Variants in WDR19 observed in about 807,000 individuals in gnomAD.
WDR19 encodes WD repeat domain 19.
WDR19 carries 121 observed loss-of-function variants against 180.0 expected under a neutral mutation model. The ratio of observed to expected loss-of-function variants is 0.67; its 90% CI spans 0.58 to 0.78. The LOEUF (loss-of-function observed/expected upper bound fraction) is 0.78. Ranked by LOEUF, WDR19 falls within the 30% of genes least tolerant of loss-of-function variation. The probability of loss-of-function intolerance (pLI) is 0.00; values close to 1 mark genes in which losing one functional copy is unlikely to be tolerated. For missense variants in WDR19, 1,450 were observed against 1,640.7 expected (o/e 0.88, Z 2.01); for synonymous variants, 497 against 540.7 (o/e 0.92, Z 1.12).
intron 28 of WDR19, 104 bp downstream of exon 28, chr4:39,257,658 C>A: frequency 1.0e-6 from 1 of 958,478 alleles, no homozygotes; most frequent in Non-Finnish European, 1.6e-6. Context: ...GTATTACAAA[C>A]CCCTACATAC....
Position 39,266,294 on chromosome 4 carries a change from T to C in WDR19, c.3261+154T>C, listed in dbSNP as rs188575700. On this transcript the variant is annotated intron_variant, in intron 29 of 36. Coordinates refer to ENST00000399820, the MANE Select transcript of WDR19 (RefSeq NM_025132.4). Reference sequence around the variant, plus strand: ...CTAGACCAGGAGCGTCCAATCTTTTTGCTTCCCTGGGTCACATTGGAAGAA... The same window carrying C: ...CTAGACCAGGAGCGTCCAATCTTTTCGCTTCCCTGGGTCACATTGGAAGAA... Among the ~76,000 whole-genome samples the C allele has an allele frequency of 2.3e-3, 345 of 152,256 alleles. 1 individual carries two copies. Among genetic ancestry groups the C allele is most frequent in the African/African-American group, 7.6e-3 (317 of 41,568 alleles).
At position 39,232,198 on chromosome 4, in the gene WDR19, G is replaced by A; in HGVS notation, c.2179G>A (p.Ala727Thr). 1 of 1,613,506 alleles carries A rather than the reference G, an allele frequency of 6.2e-7. No homozygotes were observed. Among genetic ancestry groups the A allele is most frequent in the South Asian group, 1.1e-5 (1 of 91,056 alleles). ...EDYNLLAGHLAMFTNDYNLAQ... is the reference protein window; with the variant it reads ...EDYNLLAGHLTMFTNDYNLAQ... The stretch of plus-strand genomic sequence containing the variant: ...CTACAATCTTTTGGCAGGACACCTT[G>A]CCATGTTTACCAACGATTATAACCT... Residue 727 changes from alanine to threonine, a missense_variant, in exon 19 of 37, where the codon GCC becomes ACC. Physicochemically the swap from Ala to Thr is moderately conservative, Grantham distance 58 (BLOSUM62 0). Coordinates refer to ENST00000399820, the MANE Select transcript of WDR19 (RefSeq NM_025132.4).
chr4:39,255,688 G>A (rs1317444247), intron 26 of WDR19, among the ~76,000 whole-genome samples, 160 bp from the exon 27 acceptor site: 1 of 152,056 alleles, frequency 6.6e-6, no homozygotes, highest in Non-Finnish European at 1.5e-5. Flanking sequence ...TGGAGTAATT[G>A]TGATAAGTAT....
intron 7 of WDR19, among the ~76,000 whole-genome samples, chr4:39,204,078 G>T (rs1425093617): frequency 6.7e-6 from 1 of 148,960 alleles, no homozygotes; most frequent in Non-Finnish European, 1.5e-5. Context: ...TTGTAGGCTT[G>T]TTTTTTTTTG....
Position 39,256,226 on chromosome 4 carries a change from C to T in WDR19, c.3114+266C>T, listed in dbSNP as rs749896478. On this transcript the variant is annotated intron_variant, in intron 27 of 36. Transcript: ENST00000399820. ...CAGATGACCTTGCTTCTGATTATTG[C>T]AGTAGTTTCTTATTTTTCCTGTTTT... 2.6e-5 allele frequency among the ~76,000 whole-genome samples: 4 copies of T among 152,168 alleles called. No individual in the cohort carries two copies. In the East Asian group the frequency reaches 7.7e-4, roughly 29 times the overall value.
At chr4:39,263,923 TA>T (rs11461352) in intron 28 of WDR19, among the ~76,000 whole-genome samples, 39 of 140,360 alleles carry the variant, frequency 2.8e-4, no homozygotes, top group Non-Finnish European at 2.3e-4. Flanking sequence ...AAACTCCATC[TA>T]AAAAAAAAAA....
intron 21 of WDR19, 147 bp from the exon 22 acceptor site, chr4:39,244,101 G>T: frequency 1.0e-6 from 1 of 960,998 alleles, no homozygotes; most frequent in Non-Finnish European, 1.4e-6. Context: ...AGTCTCAAGT[G>T]TTATTTTAAA....
intron 1 of WDR19, among the ~76,000 whole-genome samples, chr4:39,183,270 T>TTTTTTTTTTTTTTTTTTTTTTTTTTTC (rs1182348960): frequency 6.8e-6 from 1 of 147,814 alleles, no homozygotes; most frequent in African/African-American, 2.5e-5. Context: ...TTTTTTTTTT[T>TTTTTTTTTTTTTTTTTTTTTTTTTTTC]ACTGAGTCTC....
chr4:39,197,341 G>C (rs1417785901), intron 5 of WDR19, among the ~76,000 whole-genome samples: 1 of 149,534 alleles, frequency 6.7e-6, no homozygotes, highest in African/African-American at 2.5e-5. Flanking sequence ...CAGGAGAATT[G>C]CTTGAACCCA....
intron 24 of WDR19, among the ~76,000 whole-genome samples, chr4:39,251,873 G>A (rs571847462): frequency 6.9e-4 from 105 of 152,282 alleles, no homozygotes; most frequent in African/African-American, 2.2e-3. Flanking sequence ...TGCTGGAGAC[G>A]ATGTGGAGAA....
chr4:39,228,416 T>C (rs1335033929), intron 16 of WDR19, 59 bp downstream of exon 16: 28 of 1,602,322 alleles, frequency 1.7e-5, no homozygotes, highest in Non-Finnish European at 2.4e-5. Context: ...GCAGTAAAAT[T>C]AAAACATTCT....
intron 9 of WDR19, chr4:39,205,969 C>T (rs1727909652): frequency 2.4e-6 from 1 of 412,278 alleles, no homozygotes; most frequent in Non-Finnish European, 4.3e-6. Context: ...AAGCACACTC[C>T]ACCCCATGTC....
chr4:39,243,580 C>T (rs1732194332), intron 21 of WDR19, among the ~76,000 whole-genome samples: 2 of 152,162 alleles, frequency 1.3e-5, no homozygotes, highest in Admixed American at 6.5e-5. Context: ...ACAGTAAGCA[C>T]TAGCCACATG....
intron 6 of WDR19, 74 bp from the exon 7 acceptor site, chr4:39,203,567 TA>T: frequency 8.0e-7 from 1 of 1,246,536 alleles, no homozygotes; most frequent in Non-Finnish European, 1.1e-6. Context: ...GAAAACAAGT[TA>T]TCCATTCTAT....
chr4:39,230,893 G>A (rs905919672), intron 17 of WDR19, among the ~76,000 whole-genome samples: 1 of 152,174 alleles, frequency 6.6e-6, no homozygotes, highest in African/African-American at 2.4e-5. Flanking sequence ...TAAACCAGAG[G>A]TCGGAAAACC....
chr4:39,254,085 T>C, intron 26 of WDR19, 55 bp downstream of exon 26: 1 of 1,556,116 alleles, frequency 6.4e-7, no homozygotes, highest in Non-Finnish European at 8.8e-7. Context: ...AAAAACACTT[T>C]GTCTCTTATG....
At chr4:39,187,326 A>G (rs1044409695) in intron 3 of WDR19, among the ~76,000 whole-genome samples, 1 of 151,578 alleles carries the variant, frequency 6.6e-6, no homozygotes, top group Admixed American at 6.6e-5. Context: ...AGGCTGAGGC[A>G]GGAGAATCAC....
chr4:39,230,777 G>T (rs1730758661), intron 17 of WDR19, among the ~76,000 whole-genome samples: 1 of 152,132 alleles, frequency 6.6e-6, no homozygotes, highest in Non-Finnish European at 1.5e-5. Flanking sequence ...ATGAAAAAAT[G>T]GATAGGTGAA....
chr4:39,273,171 C>T, intron 32 of WDR19, 110 bp downstream of exon 32: 1 of 790,444 alleles, frequency 1.3e-6, no homozygotes, highest in South Asian at 1.8e-5. Context: ...TTAATTCTCA[C>T]AGCAGCTCCA....
Sources: allele counts gnomAD v4.1 joint callset (sites outside exome capture counted in the v4.1 genomes callset), GRCh38; gene constraint gnomAD v4.1.1; transcripts MANE v1.5; gene names NCBI Gene and HGNC (gene_info 2026-07-23, HGNC 2026-07-21).